FAM234B: variants seen among roughly 807,000 people sequenced by gnomAD.
FAM234B encodes the protein family with sequence similarity 234 member B.
In FAM234B, 33 loss-of-function variants were observed where a neutral mutation model predicts 69.3. The ratio of observed to expected loss-of-function variants is 0.48; its 90% CI spans 0.36 to 0.64. The LOEUF is 0.64. FAM234B is among the 30% of genes least tolerant of loss of function. The probability of loss-of-function intolerance (pLI) is 0.00; values close to 1 mark genes in which losing one functional copy is unlikely to be tolerated. For missense variants in FAM234B, 697 were observed against 769.7 expected, an observed-to-expected ratio of 0.91 and a Z score of 1.12; for synonymous variants, 306 against 306.9, an observed-to-expected ratio of 1.00 and a Z score of 0.03.
At chr12:13,057,755 C>T (rs1396636188) in intron 2 of FAM234B, among the ~76,000 whole-genome samples, 1 of 152,212 alleles carries the variant, frequency 6.6e-6, no homozygotes, top group African/African-American at 2.4e-5. Context: ...TAGGCCTCTG[C>T]TGACACCACC....
chr12:13,062,774 G>A (rs1195869272), intron 4 of FAM234B, 71 bp from the exon 5 acceptor site: 4 of 1,546,222 alleles, frequency 2.6e-6, no homozygotes, highest in Non-Finnish European at 3.5e-6. Flanking sequence ...TTTCTGGCCT[G>A]GGAACATGGC....
At chr12:13,063,680 C>A (rs1345044640) in intron 5 of FAM234B, among the ~76,000 whole-genome samples, 1 of 152,116 alleles carries the variant, frequency 6.6e-6, no homozygotes, top group Non-Finnish European at 1.5e-5. Flanking sequence ...TAGTCTTTCC[C>A]CCAAATCACA....
intron 1 of FAM234B, among the ~76,000 whole-genome samples, chr12:13,047,118 G>T (rs1241025496): frequency 6.6e-6 from 1 of 152,148 alleles, no homozygotes; most frequent in Non-Finnish European, 1.5e-5. Flanking sequence ...GTGAGCTATT[G>T]ACAGATCTCA....
At chr12:13,053,500 A>G (rs1438869191) in intron 1 of FAM234B, among the ~76,000 whole-genome samples, 1 of 152,180 alleles carries the variant, frequency 6.6e-6, no homozygotes, top group East Asian at 1.9e-4. Context: ...GTAACATCAC[A>G]TATCGGTAGG....
chr12:13,060,040 G>A (rs754376871), intron 3 of FAM234B, among the ~76,000 whole-genome samples: 13 of 152,182 alleles, frequency 8.5e-5, no homozygotes, highest in Non-Finnish European at 1.5e-4. Flanking sequence ...AGCACATAAC[G>A]TATGAAGGAA....
intron 1 of FAM234B, among the ~76,000 whole-genome samples, chr12:13,049,758 A>G (rs544389361): frequency 2.0e-5 from 3 of 151,996 alleles, no homozygotes; most frequent in Non-Finnish European, 2.9e-5. Flanking sequence ...TATGTTCATT[A>G]TTTCTTCCAT....
At chr12:13,055,991 T>A in intron 2 of FAM234B, 45 bp downstream of exon 2, 1 of 1,479,198 alleles carries the variant, frequency 6.8e-7, no homozygotes, top group Non-Finnish European at 9.0e-7. Flanking sequence ...AACTTCATGC[T>A]ATGTCTGATT....
intron 2 of FAM234B, among the ~76,000 whole-genome samples, chr12:13,056,492 A>C (rs913494025): frequency 1.3e-5 from 2 of 152,114 alleles, no homozygotes; most frequent in African/African-American, 2.4e-5. Context: ...GCTTCTTTAA[A>C]ACCTCTTGCT....
rs919243058 is a variant in FAM234B at position 13,075,901 on chromosome 12, A to C, written c.1525-125A>C. The C allele has an allele frequency of 4.2e-5, 32 of 761,902 alleles. No individual in the cohort carries two copies. In the Middle Eastern group the frequency reaches 1.6e-3, roughly 39 times the overall value. 47.2% of individuals were successfully genotyped at this position (761,902 alleles called of 1,614,324 possible). ...TTTCAAACACATTCTTGTAGTTAGG[A>C]TCAGGCATTAGCATCTGAGAGGAAT... is the stretch of plus-strand genomic sequence containing the variant. On this transcript the variant is annotated intron_variant, in intron 10 of 12. Transcript: ENST00000197268.
chr12:13,068,360 T>C lies in FAM234B; in HGVS notation c.1199T>C (p.Leu400Pro), dbSNP rs764704186. 2.5e-6 allele frequency: 4 copies of C among 1,614,078 alleles called. No individual in the cohort carries two copies. The highest frequency in any genetic ancestry group is 1.6e-4 in the Middle Eastern group (1 of 6,084). ...VKAPDSNCSN[L>P]LITTRQSLVL... ...GCACCAGATTCCAACTGCAGCAACC[T>C]TCTGATTACAACCAGACAAAGCCTT... Residue 400 changes from leucine to proline, a missense_variant, in exon 8 of 13, where the codon CTT becomes CCT. Leu to Pro is a moderately conservative substitution (Grantham distance 98, BLOSUM62 -3). Coordinates refer to ENST00000197268, the MANE Select transcript of FAM234B (RefSeq NM_020853.2).
At chr12:13,060,822 T>C (rs1012014725) in intron 3 of FAM234B, among the ~76,000 whole-genome samples, 6 of 152,200 alleles carry the variant, frequency 3.9e-5, no homozygotes, top group African/African-American at 1.4e-4. Flanking sequence ...CTGAGTCTGA[T>C]GTAGTAATTA....
In FAM234B at chr12:13,081,394, G is replaced by A. The variant is rs1448770734; in HGVS notation, c.*764G>A. The A allele has an allele frequency of 6.6e-6, 1 of 152,290 alleles. No individual in the cohort carries two copies. The highest frequency in any genetic ancestry group is 1.5e-5 in the Non-Finnish European group (1 of 68,060). 9.4% of individuals were successfully genotyped at this position (152,290 alleles called of 1,614,324 possible). A position where few individuals can be genotyped will look rare whatever the true frequency, so the allele number is the denominator to read the frequency against. On this transcript the variant is annotated 3_prime_UTR_variant, in exon 13 of 13. Transcript: ENST00000197268. ...ATCTCTGACCAAGTCCACATGTTGT[G>A]TTATATGTGGCTCTGATGGTTCTGC...
rs1181320632 is a variant in FAM234B at position 13,071,415 on chromosome 12, G to A, written c.1524+19G>A. 1.2e-6 allele frequency: 2 copies of A among 1,611,968 alleles called. No homozygotes were observed. The highest frequency in any genetic ancestry group is 8.5e-7 in the Non-Finnish European group (1 of 1,178,598). On this transcript the variant is annotated intron_variant, in intron 10 of 12. Transcript: ENST00000197268. ...CAATTCCGTGAGTGAGCCTGGGAGG[G>A]TCCCTTTTTTACTTTGTCAGATGGC...
At chr12:13,072,729 CAAAA>C (rs55734917) in intron 10 of FAM234B, among the ~76,000 whole-genome samples, 7 of 89,998 alleles carry the variant, frequency 7.8e-5, no homozygotes, top group Admixed American at 2.1e-4. Flanking sequence ...GACTTTGTCT[CAAAA>C]AAAAAAAAAA....
chr12:13,076,032 A>C lies in FAM234B; in HGVS notation c.1531A>C (p.Ile511Leu). 2 of 1,612,246 alleles carry C rather than the reference A, an allele frequency of 1.2e-6. No homozygotes were observed. Among genetic ancestry groups the C allele is most frequent in the Non-Finnish European group, 1.7e-6 (2 of 1,178,450 alleles). The change falls in exon 11 of 13, where the codon ATC becomes CTC. Residue 511 changes from isoleucine to leucine, a missense_variant. By Grantham distance (5) the Ile-to-Leu change is conservative. Transcript: ENST00000197268. Reference sequence around the variant, plus strand: ...TTTTGCTGCTTATTATCAGGATATCATCCTAGGAACTGAGCCGCCCAGCCT... The same window carrying C: ...TTTTGCTGCTTATTATCAGGATATCCTCCTAGGAACTGAGCCGCCCAGCCT... ...LSAASPNSDI[I>L]LGTEPPSLHH...
chr12:13,068,339 C>G lies in FAM234B; in HGVS notation c.1178C>G (p.Pro393Arg), dbSNP rs910341742. The stretch of plus-strand genomic sequence containing the variant: ...GAACTACTCCAGATGGTGAAGGCAC[C>G]AGATTCCAACTGCAGCAACCTTCTG... ...GVELLQMVKA[P>R]DSNCSNLLIT... Residue 393 changes from proline to arginine, a missense_variant, in exon 8 of 13, where the codon CCA (proline) becomes CGA (arginine). Pro to Arg is a moderately radical substitution (Grantham distance 103). This residue lies in a region of FAM234B where 313 missense variants were observed against 305.5 expected (regional missense o/e 1.02). Coordinates refer to ENST00000197268, the MANE Select transcript of FAM234B (RefSeq NM_020853.2). The G allele has an allele frequency of 5.0e-6, 8 of 1,614,154 alleles. No individual in the cohort carries two copies. Among genetic ancestry groups the G allele is most frequent in the Non-Finnish European group, 6.8e-6 (8 of 1,180,020 alleles).
At chr12:13,053,212 A>G (rs963310368) in intron 1 of FAM234B, among the ~76,000 whole-genome samples, 7 of 152,052 alleles carry the variant, frequency 4.6e-5, no homozygotes, top group Admixed American at 3.9e-4. Context: ...TATTAGGATG[A>G]CAGATTATTC....
At chr12:13,059,608 G>C (rs987113656) in intron 3 of FAM234B, among the ~76,000 whole-genome samples, 1 of 152,212 alleles carries the variant, frequency 6.6e-6, no homozygotes, top group Non-Finnish European at 1.5e-5. Context: ...GGATGCCCTA[G>C]TGACTGCTTT....
At chr12:13,072,051 T>C (rs1214216015) in intron 10 of FAM234B, among the ~76,000 whole-genome samples, 1 of 152,170 alleles carries the variant, frequency 6.6e-6, no homozygotes, top group Non-Finnish European at 1.5e-5. Flanking sequence ...ACATCTTGAC[T>C]CAGCACTTTC....
Sources: gnomAD v4.1 joint callset for allele counts (sites outside exome capture counted in the v4.1 genomes callset) on GRCh38, gnomAD v4.1.1 for gene constraint, gnomAD v4.1.1 regional missense constraint, MANE v1.5 for transcripts, NCBI Gene and HGNC (gene_info 2026-07-23, HGNC 2026-07-21) for gene names.